The following ZCCHC7 variants were observed in gnomAD, a reference collection of about 807,000 sequenced individuals.
The protein encoded by ZCCHC7 is zinc finger CCHC-type containing 7.
A neutral mutation model predicts 52.0 loss-of-function variants in ZCCHC7; 35 were observed. The ratio of observed to expected loss-of-function variants is 0.67; its 90% CI spans 0.51 to 0.89. The LOEUF (loss-of-function observed/expected upper bound fraction) is 0.89. Among genes scored for constraint, ZCCHC7 ranks in the 40% least tolerant of loss-of-function variants. The pLI, the probability that ZCCHC7 is intolerant of heterozygous loss-of-function variation, is 0.00. For missense variants in ZCCHC7, 574 were observed against 649.1 expected (o/e 0.88, Z 1.26); for synonymous variants, 217 against 221.5 (o/e 0.98, Z 0.18).
intron 2 of ZCCHC7, among the ~76,000 whole-genome samples, chr9:37,129,032 G>T (rs1421446116): frequency 6.6e-6 from 1 of 151,994 alleles, no homozygotes; most frequent in Non-Finnish European, 1.5e-5. Context: ...AATTCTCTGT[G>T]TACATCTACA....
At chr9:37,229,221 C>T (rs143069871) in intron 2 of ZCCHC7, among the ~76,000 whole-genome samples, 1 of 152,156 alleles carries the variant, frequency 6.6e-6, no homozygotes, top group Non-Finnish European at 1.5e-5. Context: ...AAAAAGCCAA[C>T]AACAGGGGAG....
At chr9:37,355,082 CTA>C (rs1342407086) in intron 8 of ZCCHC7, among the ~76,000 whole-genome samples, 1 of 152,130 alleles carries the variant, frequency 6.6e-6, no homozygotes, top group African/African-American at 2.4e-5. Flanking sequence ...TGCTGTCCAT[CTA>C]TATAGGCAGA....
At chr9:37,350,698 A>C (rs930856364) in intron 7 of ZCCHC7, among the ~76,000 whole-genome samples, 4 of 152,262 alleles carry the variant, frequency 2.6e-5, no homozygotes, top group Admixed American at 6.5e-5. Flanking sequence ...GCATGAGGCC[A>C]CTAGGCAGAT....
chr9:37,150,096 A>G (rs1231765779), intron 2 of ZCCHC7, among the ~76,000 whole-genome samples: 1 of 152,236 alleles, frequency 6.6e-6, no homozygotes, highest in Non-Finnish European at 1.5e-5. Flanking sequence ...GATCACTAGG[A>G]CTACAATGAT....
intron 2 of ZCCHC7, among the ~76,000 whole-genome samples, chr9:37,138,856 A>G (rs772310559): frequency 5.3e-5 from 8 of 151,922 alleles, no homozygotes; most frequent in Non-Finnish European, 1.2e-4. Flanking sequence ...TAATTATTGC[A>G]TATAGTGATC....
intron 2 of ZCCHC7, among the ~76,000 whole-genome samples, chr9:37,267,815 C>G (rs1355285934): frequency 6.6e-6 from 1 of 151,984 alleles, no homozygotes; most frequent in Non-Finnish European, 1.5e-5. Context: ...GTGATCCACC[C>G]GCCTCGGCCT....
chr9:37,284,806 G>A (rs564583638), intron 2 of ZCCHC7, among the ~76,000 whole-genome samples: 6 of 152,232 alleles, frequency 3.9e-5, no homozygotes, highest in African/African-American at 1.4e-4. Context: ...TTCCCTGTAG[G>A]CCTCAATAGT....
At chr9:37,350,757 A>C (rs1357433732) in intron 7 of ZCCHC7, among the ~76,000 whole-genome samples, 1 of 152,266 alleles carries the variant, frequency 6.6e-6, no homozygotes, top group African/African-American at 2.4e-5. Context: ...GAAAGGATGT[A>C]ATAAGAATAG....
chr9:37,173,113 C>A (rs1821831219), intron 2 of ZCCHC7, among the ~76,000 whole-genome samples: 1 of 151,924 alleles, frequency 6.6e-6, no homozygotes, highest in Non-Finnish European at 1.5e-5. Flanking sequence ...CCAATAGGGA[C>A]TCGAGTGAAC....
chr9:37,190,321 A>G (rs949009483), intron 2 of ZCCHC7, among the ~76,000 whole-genome samples: 8 of 151,452 alleles, frequency 5.3e-5, no homozygotes, highest in East Asian at 1.9e-4. Context: ...TCTTCATTCT[A>G]TCTAAGTATT....
chr9:37,207,288 A>G (rs542575556), intron 2 of ZCCHC7, among the ~76,000 whole-genome samples: 102 of 152,246 alleles, frequency 6.7e-4, no homozygotes, highest in African/African-American at 2.1e-3. Flanking sequence ...AGCACTTGCA[A>G]TGTGTATTTC....
chr9:37,202,687 GC>G (rs1255585295), intron 2 of ZCCHC7, among the ~76,000 whole-genome samples: 1 of 152,100 alleles, frequency 6.6e-6, no homozygotes, highest in Non-Finnish European at 1.5e-5. Flanking sequence ...TTACTATGTT[GC>G]CCAGGCTGAT....
In ZCCHC7 at chr9:37,132,966, G is replaced by A. The variant is rs192332923; in HGVS notation, c.610+6024G>A. Among the ~76,000 whole-genome samples the A allele has an allele frequency of 1.9e-4, 29 of 152,190 alleles. No homozygotes were observed. In the East Asian group the frequency reaches 3.3e-3, roughly 17 times the overall value. ...AGCCTGACCAACATGGTGAAACCCC[G>A]TCTCTTCTAAAAATACAAAAATTAG... On this transcript the variant is annotated intron_variant, in intron 2 of 8. Transcript: ENST00000336755.
chr9:37,281,302 C>T (rs1827947160), intron 2 of ZCCHC7, among the ~76,000 whole-genome samples: 1 of 152,186 alleles, frequency 6.6e-6, no homozygotes, highest in Non-Finnish European at 1.5e-5. Flanking sequence ...AGGCATGAGC[C>T]ACCACACCTG....
intron 2 of ZCCHC7, among the ~76,000 whole-genome samples, chr9:37,229,489 G>A (rs918166481): frequency 3.9e-5 from 6 of 151,992 alleles, no homozygotes; most frequent in East Asian, 3.8e-4. Flanking sequence ...GAACTTGTAC[G>A]GCATGTTATT....
intron 2 of ZCCHC7, among the ~76,000 whole-genome samples, chr9:37,253,296 T>C (rs1826418908): frequency 6.6e-6 from 1 of 151,904 alleles, no homozygotes; most frequent in African/African-American, 2.4e-5. Flanking sequence ...CTAAAAGACT[T>C]AGGGAAAAAA....
chr9:37,178,053 C>G (rs1812899020), intron 2 of ZCCHC7, among the ~76,000 whole-genome samples: 1 of 152,170 alleles, frequency 6.6e-6, no homozygotes, highest in African/African-American at 2.4e-5. Context: ...ATAGGGGAAA[C>G]TGGCTGTGGT....
chr9:37,246,701 T>A (rs78561732), intron 2 of ZCCHC7, among the ~76,000 whole-genome samples: 4,307 of 152,250 alleles, frequency 0.028, 123 homozygotes, highest in Admixed American at 0.081. Context: ...TATGTGCAGT[T>A]GGCTCTCGGT....
chr9:37,235,303 A>C (rs888263594), intron 2 of ZCCHC7, among the ~76,000 whole-genome samples: 1 of 152,184 alleles, frequency 6.6e-6, no homozygotes, highest in African/African-American at 2.4e-5. Context: ...TACCCTGTAC[A>C]TCTGTGAGAG....
Sources: allele counts gnomAD v4.1 joint callset (sites outside exome capture counted in the v4.1 genomes callset), GRCh38; gene constraint gnomAD v4.1.1; transcripts MANE v1.5; gene names NCBI Gene and HGNC (gene_info 2026-07-23, HGNC 2026-07-21).